The following BCAS2 variants were observed in gnomAD, a reference collection of about 807,000 sequenced individuals.
BCAS2 encodes BCAS2 pre-mRNA processing factor, also known as pre-mRNA-splicing factor SPF27.
Under a neutral mutation model 35.3 loss-of-function variants are expected in BCAS2, and 34 were observed. That is an observed-to-expected ratio of 0.96 (90% CI 0.73 to 1.28). The LOEUF (loss-of-function observed/expected upper bound fraction) is 1.28, where lower values mean the gene tolerates loss of function less well. Among genes scored for constraint, BCAS2 ranks in the 50% most tolerant of loss-of-function variants. The pLI is 0.00. For synonymous variants in BCAS2, 75 were observed against 91.6 expected (o/e 0.82, Z 1.03); for missense variants, 221 against 268.1 (o/e 0.82, Z 1.23).
At chr1:114,568,640 T>C (rs1654576005) in intron 6 of BCAS2, among the ~76,000 whole-genome samples, 1 of 151,664 alleles carries the variant, frequency 6.6e-6, no homozygotes, top group African/African-American at 2.4e-5. Flanking sequence ...GTGCTGGGAT[T>C]ACAGGCATGA....
At position 114,571,584 on chromosome 1, in the gene BCAS2, CCTGGG is replaced by C. The variant is rs1171556863; in HGVS notation, c.420-839_420-835del. 3.3e-5 allele frequency among the ~76,000 whole-genome samples: 5 copies of C among 152,112 alleles called. No individual in the cohort carries two copies. The South Asian group carries it at 8.3e-4, about 25-fold the overall frequency. ...ACGTTGTCCAGGCTGGTCTTGAACTCCTGGGCTCAAGCAATCTCCCCACCTCAGCC... is the reference window on the plus strand; with the variant it reads ...ACGTTGTCCAGGCTGGTCTTGAACTCCTCAAGCAATCTCCCCACCTCAGCC... On this transcript the variant is annotated intron_variant, in intron 4 of 6. Coordinates refer to ENST00000369541, the MANE Select transcript of BCAS2 (RefSeq NM_005872.3).
At chr1:114,573,143 A>AAAAC (rs1654682863) in intron 4 of BCAS2, among the ~76,000 whole-genome samples, 3 of 134,578 alleles carry the variant, frequency 2.2e-5, no homozygotes, top group Admixed American at 8.1e-5. Flanking sequence ...AAAAAAAAAA[A>AAAAC]AAAAAAAACT....
At chr1:114,579,941 T>C (rs1330241605) in intron 2 of BCAS2, among the ~76,000 whole-genome samples, 1 of 151,954 alleles carries the variant, frequency 6.6e-6, no homozygotes, top group Non-Finnish European at 1.5e-5. Context: ...TTTTTTTTTT[T>C]TTCCCTTTGA....
chr1:114,573,512 C>T (rs1446853908), intron 4 of BCAS2, among the ~76,000 whole-genome samples: 2 of 152,152 alleles, frequency 1.3e-5, no homozygotes, highest in African/African-American at 2.4e-5. Context: ...GGATTATAAG[C>T]GTGAACCACG....
chr1:114,569,577 C>A (rs1297189046), intron 6 of BCAS2, among the ~76,000 whole-genome samples: 1 of 150,858 alleles, frequency 6.6e-6, no homozygotes, highest in Non-Finnish European at 1.5e-5. Flanking sequence ...GATTATGACT[C>A]ACTGCAGCTT....
intron 2 of BCAS2, among the ~76,000 whole-genome samples, chr1:114,579,380 G>A (rs559954847): frequency 1.6e-3 from 240 of 152,248 alleles, no homozygotes; most frequent in African/African-American, 5.3e-3. Flanking sequence ...ATTTAAGAGA[G>A]AAGGAAAAAA....
chr1:114,571,382 CAG>C (rs1294554710), intron 4 of BCAS2, among the ~76,000 whole-genome samples: 1 of 151,974 alleles, frequency 6.6e-6, no homozygotes, highest in Non-Finnish European at 1.5e-5. Flanking sequence ...AGGGGAGGGA[CAG>C]AGTCTTGCTC....
chr1:114,575,328 C>A (rs1245046533), intron 4 of BCAS2, among the ~76,000 whole-genome samples: 1 of 149,748 alleles, frequency 6.7e-6, no homozygotes, highest in Non-Finnish European at 1.5e-5. Context: ...GCTGGGATTA[C>A]AGGCACACGT....
chr1:114,571,891 T>C (rs906687658), intron 4 of BCAS2, among the ~76,000 whole-genome samples: 9 of 152,134 alleles, frequency 5.9e-5, no homozygotes, highest in Admixed American at 1.3e-4. Context: ...AAATAAAAAA[T>C]AGATACCAGT....
chr1:114,569,117 AG>A (rs1654590399), intron 6 of BCAS2, among the ~76,000 whole-genome samples: 2 of 152,228 alleles, frequency 1.3e-5, no homozygotes, highest in African/African-American at 4.8e-5. Flanking sequence ...TAAAAATAAA[AG>A]TTTAATAAAA....
intron 6 of BCAS2, among the ~76,000 whole-genome samples, chr1:114,569,184 G>T (rs1654591202): frequency 6.6e-6 from 1 of 152,120 alleles, no homozygotes; most frequent in Non-Finnish European, 1.5e-5. Context: ...AGGAAAGAGT[G>T]ATGAAGATAG....
In BCAS2 at chr1:114,568,197, T is replaced by C. The variant is rs1328923028; in HGVS notation, c.611A>G (p.Asn204Ser). Reference protein sequence around the residue: ...EIERTIVQLENEIYQIKQQHG... With the variant: ...EIERTIVQLESEIYQIKQQHG... Reference sequence around the variant, plus strand: ...TTGCTGCTTAATTTGATAGATTTCATTTTCTAGCTGAACAATAGTCCGTTC... The same window carrying C: ...TTGCTGCTTAATTTGATAGATTTCACTTTCTAGCTGAACAATAGTCCGTTC... The change falls in exon 7 of 7, where the codon AAT (asparagine) becomes AGT (serine). Residue 204 changes from asparagine to serine, a missense_variant. Transcript: ENST00000369541. 1.2e-6 allele frequency: 2 copies of C among 1,613,874 alleles called. No homozygotes were observed. Among genetic ancestry groups the C allele is most frequent in the Non-Finnish European group, 1.7e-6 (2 of 1,179,972 alleles).
intron 4 of BCAS2, among the ~76,000 whole-genome samples, chr1:114,574,876 T>C (rs988729228): frequency 5.3e-5 from 8 of 152,242 alleles, no homozygotes; most frequent in African/African-American, 1.9e-4. Context: ...GGGGTTTTTT[T>C]GTTTGTTTTT....
chr1:114,571,569 G>C (rs1158386623), intron 4 of BCAS2, among the ~76,000 whole-genome samples: 1 of 152,036 alleles, frequency 6.6e-6, no homozygotes, highest in African/African-American at 2.4e-5. Flanking sequence ...ACGTTGTCCA[G>C]GCTGGTCTTG....
chr1:114,568,709 C>T (rs1368412101), intron 6 of BCAS2, among the ~76,000 whole-genome samples: 3 of 146,780 alleles, frequency 2.0e-5, no homozygotes, highest in African/African-American at 7.6e-5. Flanking sequence ...AATCAAGGCA[C>T]AATTGTGGAA....
chr1:114,568,021 C>T lies in BCAS2; in HGVS notation c.*109G>A. On this transcript the variant is annotated 3_prime_UTR_variant, in exon 7 of 7. Coordinates refer to ENST00000369541, the MANE Select transcript of BCAS2 (RefSeq NM_005872.3). Reference sequence around the variant, plus strand: ...CTACACCTTCTATGATTTCTAAACACTTAAACATCAATGGTTTTGGGAAGA... The same window carrying T: ...CTACACCTTCTATGATTTCTAAACATTTAAACATCAATGGTTTTGGGAAGA... 7.0e-7 allele frequency: 1 copy of T among 1,427,640 alleles called. No individual in the cohort carries two copies. The highest frequency in any genetic ancestry group is 1.9e-5 in the Admixed American group (1 of 53,072). The allele number at this position is 1,427,640 out of a possible 1,614,324, so 88.4% of individuals were successfully genotyped here.
At chr1:114,571,699 GGA>G (rs1654648038) in intron 4 of BCAS2, among the ~76,000 whole-genome samples, 2 of 152,046 alleles carry the variant, frequency 1.3e-5, no homozygotes, top group South Asian at 4.1e-4. Flanking sequence ...TAGAAAAGAT[GGA>G]ATATATCTGA....
At chr1:114,576,243 CTCTCTA>C (rs1227134171) in intron 3 of BCAS2, among the ~76,000 whole-genome samples, 87 of 145,170 alleles carry the variant, frequency 6.0e-4, no homozygotes, top group African/African-American at 2.0e-3. Flanking sequence ...CTCTCTCTCT[CTCTCTA>C]TATATATATA....
Position 114,569,990 on chromosome 1 carries a change from A to G in BCAS2, c.551+2T>C. The G allele has an allele frequency of 6.3e-7, 1 of 1,599,248 alleles. No homozygotes were observed. The highest frequency in any genetic ancestry group is 8.6e-7 in the Non-Finnish European group (1 of 1,166,894). ...AAAGATGATGGAATTATAGATACTC[A>G]CTTTGACTCCATTTCTCTCAATTTA... On this transcript the variant is annotated splice_donor_variant, in intron 6 of 6. Coordinates refer to ENST00000369541, the MANE Select transcript of BCAS2 (RefSeq NM_005872.3). LOFTEE classifies it high-confidence loss of function.
Sources: allele counts gnomAD v4.1 joint callset (sites outside exome capture counted in the v4.1 genomes callset), GRCh38; gene constraint gnomAD v4.1.1; transcripts MANE v1.5; gene names NCBI Gene and HGNC (gene_info 2026-07-23, HGNC 2026-07-21).